Variants in ATP7A observed in about 807,000 individuals in gnomAD.
The protein encoded by ATP7A is ATPase copper transporting alpha, also known as copper-transporting ATPase 1.
Under a neutral mutation model 83.5 loss-of-function variants are expected in ATP7A, and 7 were observed. That is an observed-to-expected ratio of 0.08 (90% CI 0.05 to 0.16). ATP7A has a LOEUF of 0.16. Ranked by LOEUF, ATP7A falls within the 10% of genes least tolerant of loss-of-function variation. ATP7A has a pLI of 1.00. For missense variants in ATP7A, 940 were observed against 1,120.8 expected, an observed-to-expected ratio of 0.84 and a Z score of 2.30; for synonymous variants, 354 against 395.2, an observed-to-expected ratio of 0.90 and a Z score of 1.24.
At chrX:77,916,778 C>A (rs1423589310) in intron 1 of ATP7A, among the ~76,000 whole-genome samples, 1 of 111,679 alleles carries the variant, frequency 9.0e-6, no homozygotes, top group African/African-American at 3.2e-5. Context: ...TTATTGTGTG[C>A]TTATTGCATA....
At chrX:78,029,210 C>T in intron 14 of ATP7A, 40 bp from the exon 15 acceptor site, 1 of 1,169,065 alleles carries the variant, frequency 8.6e-7, no homozygotes, top group Non-Finnish European at 1.2e-6. Context: ...TTTTGTACAG[C>T]TCTAAATCAA....
chrX:78,014,177 GT>G (rs2077845653), intron 10 of ATP7A, among the ~76,000 whole-genome samples: 1 of 110,460 alleles, frequency 9.1e-6, no homozygotes, highest in Admixed American at 9.8e-5. Context: ...GGAGGCCGAG[GT>G]GGGTGGATCA....
intron 6 of ATP7A, among the ~76,000 whole-genome samples, chrX:78,004,345 T>C (rs2077759292): frequency 8.9e-6 from 1 of 112,508 alleles, no homozygotes; most frequent in Admixed American, 9.4e-5. Context: ...GAAACTTGCA[T>C]CTTTTCAACA....
chrX:77,948,256 T>C (rs1378209636), intron 1 of ATP7A, among the ~76,000 whole-genome samples: 1 of 108,804 alleles, frequency 9.2e-6, no homozygotes, highest in Non-Finnish European at 1.9e-5. Flanking sequence ...CCTCCTGTAA[T>C]GGCTGGAACT....
At chrX:78,022,603 C>T (rs1308499380) in intron 14 of ATP7A, among the ~76,000 whole-genome samples, 1 of 109,762 alleles carries the variant, frequency 9.1e-6, no homozygotes, top group Non-Finnish European at 1.9e-5. Context: ...CTGCAACTTC[C>T]ACCTCCCAGG....
At chrX:78,024,267 C>T (rs782459363) in intron 14 of ATP7A, among the ~76,000 whole-genome samples, 10 of 112,054 alleles carry the variant, frequency 8.9e-5, no homozygotes, top group African/African-American at 2.6e-4. Context: ...AGGATTGCTT[C>T]GGCTATTTAG....
At position 78,003,246 on chromosome X, in the gene ATP7A, A is replaced by G; in HGVS notation, c.1707+10A>G. Reference sequence around the variant, plus strand: ...TGTTTTGGAACTTGTTGTAAGTAAGATTTTTTGTGTGATTAATAAAACTTC... The same window carrying G: ...TGTTTTGGAACTTGTTGTAAGTAAGGTTTTTTGTGTGATTAATAAAACTTC... On this transcript the variant is annotated intron_variant, in intron 6 of 22. Transcript: ENST00000341514. 1 of 1,203,921 alleles carries G rather than the reference A, an allele frequency of 8.3e-7. No homozygotes were observed. The highest frequency in any genetic ancestry group is 1.7e-5 in the African/African-American group (1 of 57,509).
In ATP7A at chrX:78,042,752, T is replaced by A. The variant is rs369114635; in HGVS notation, c.3969T>A (p.Asp1323Glu). The A allele has an allele frequency of 8.3e-7, 1 of 1,211,616 alleles. No individual in the cohort carries two copies. The highest frequency in any genetic ancestry group is 1.7e-5 in the African/African-American group (1 of 57,781). ...NVGIAIGTGT[D>E]VAIEAADVVL... ...GAATTGCTATTGGCACAGGCACAGA[T>A]GTAGCCATTGAAGCAGCTGATGTGG... Residue 1323 changes from aspartate to glutamate, a missense_variant, in exon 20 of 23, where the codon GAT becomes GAA. Coordinates refer to ENST00000341514, the MANE Select transcript of ATP7A (RefSeq NM_000052.7).
intron 1 of ATP7A, among the ~76,000 whole-genome samples, chrX:77,948,415 C>T (rs1450502567): frequency 8.9e-6 from 1 of 112,024 alleles, no homozygotes; most frequent in Non-Finnish European, 1.9e-5. Flanking sequence ...CGTGAGCCAC[C>T]GCGCCTGGCT....
Position 78,033,674 on chromosome X carries a change from A to G in ATP7A, c.3364A>G (p.Lys1122Glu). ...TGTGCCAGGCTGTGGTATTAGCTGT[A>G]AAGTCACCAATATTGAAGGCTTGCT... is the stretch of plus-strand genomic sequence containing the variant. The part of the protein sequence containing the change: ...QVVPGCGISC[K>E]VTNIEGLLHK... Residue 1122 changes from lysine (K) to glutamate (E), a missense_variant, in exon 17 of 23, where the codon AAA becomes GAA. By Grantham distance (56) the Lys-to-Glu change is moderately conservative. Around this residue, in one of 3 missense-constraint regions of ATP7A, gnomAD observed 386 missense variants for 502.2 expected, o/e 0.77. Transcript: ENST00000341514. 1 of 1,211,422 alleles carries G rather than the reference A, an allele frequency of 8.3e-7. No homozygotes were observed. The highest frequency in any genetic ancestry group is 1.8e-5 in the South Asian group (1 of 56,961).
Position 78,009,096 on chromosome X carries a change from T to TA in ATP7A, c.1708-4dup. On this transcript the variant is annotated splice_region_variant and splice_polypyrimidine_tract_variant and intron_variant, in intron 6 of 22. Coordinates refer to ENST00000341514, the MANE Select transcript of ATP7A (RefSeq NM_000052.7). ...TCCTGAAGAACAAATGCTTTGTCTT[T>TA]AACAGGTGAGGGGAATGACGTGTGC... 1 of 1,209,608 alleles carries TA rather than the reference T, an allele frequency of 8.3e-7. No homozygotes were observed. Among genetic ancestry groups the TA allele is most frequent in the African/African-American group, 1.7e-5 (1 of 57,591 alleles).
At chrX:77,951,606 G>A (rs1335019265) in intron 1 of ATP7A, among the ~76,000 whole-genome samples, 1 of 105,271 alleles carries the variant, frequency 9.5e-6, no homozygotes, top group East Asian at 2.9e-4. Flanking sequence ...TTGAGATGGA[G>A]TCTCGCTCTG....
intron 2 of ATP7A, 139 bp downstream of exon 2, chrX:77,971,900 A>G (rs1239965448): frequency 1.4e-6 from 1 of 736,471 alleles, no homozygotes; most frequent in Non-Finnish European, 2.0e-6. Flanking sequence ...TTGAAGCTAA[A>G]TAAGTTTTCT....
chrX:78,006,165 G>T (rs1476716657), intron 6 of ATP7A, among the ~76,000 whole-genome samples: 1 of 112,346 alleles, frequency 8.9e-6, no homozygotes, highest in Non-Finnish European at 1.9e-5. Context: ...TGCTGGTGGT[G>T]TGTACATTGA....
chrX:77,966,530 C>T (rs1450048809), intron 1 of ATP7A, among the ~76,000 whole-genome samples: 1 of 112,047 alleles, frequency 8.9e-6, no homozygotes, highest in Non-Finnish European at 1.9e-5. Flanking sequence ...AGAATCCAGA[C>T]ACACAAGGAC....
At chrX:77,992,373 T>G (rs1230985917) in intron 4 of ATP7A, among the ~76,000 whole-genome samples, 1 of 110,722 alleles carries the variant, frequency 9.0e-6, no homozygotes, top group African/African-American at 3.3e-5. Context: ...TTTAGATTCT[T>G]TTGCTCTAAA....
intron 12 of ATP7A, among the ~76,000 whole-genome samples, chrX:78,019,431 G>C (rs193117143): frequency 8.9e-6 from 1 of 111,743 alleles, no homozygotes; most frequent in Non-Finnish European, 1.9e-5. Context: ...AAATAATTTA[G>C]GACTGTGTGT....
chrX:78,018,345 A>G (rs1473254890), intron 12 of ATP7A, among the ~76,000 whole-genome samples: 1 of 109,145 alleles, frequency 9.2e-6, no homozygotes, highest in Non-Finnish European at 1.9e-5. Context: ...TCTCTACTAA[A>G]AATATAAAAT....
At chrX:78,040,455 G>A in intron 18 of ATP7A, 136 bp from the exon 19 acceptor site, 1 of 761,844 alleles carries the variant, frequency 1.3e-6, no homozygotes, top group Non-Finnish European at 1.9e-6. Context: ...TGTGGGCTTA[G>A]AGATATTTTA....
Sources: gnomAD v4.1 joint callset for allele counts (sites outside exome capture counted in the v4.1 genomes callset) on GRCh38, gnomAD v4.1.1 for gene constraint, gnomAD v4.1.1 regional missense constraint, MANE v1.5 for transcripts, NCBI Gene and HGNC (gene_info 2026-07-23, HGNC 2026-07-21) for gene names.